Variants in SCFD2 observed in about 807,000 individuals in gnomAD.
The protein encoded by SCFD2 is sec1 family domain-containing protein 2.
Under a neutral mutation model 58.9 loss-of-function variants are expected in SCFD2, and 54 were observed. The ratio of observed to expected loss-of-function variants is 0.92; its 90% confidence interval spans 0.74 to 1.15. The LOEUF (loss-of-function observed/expected upper bound fraction) is 1.15, where lower values mean the gene tolerates loss of function less well. Ranked by LOEUF, SCFD2 falls within the 50% of genes most tolerant of loss-of-function variation. The pLI, the probability that SCFD2 is intolerant of heterozygous loss-of-function variation, is 0.00. For synonymous variants in SCFD2, 321 were observed against 335.9 expected, an observed-to-expected ratio of 0.96 and a Z score of 0.49; for missense variants, 805 against 836.6, an observed-to-expected ratio of 0.96 and a Z score of 0.47.
At chr4:52,994,967 G>A (rs1396155566) in intron 5 of SCFD2, among the ~76,000 whole-genome samples, 1 of 152,160 alleles carries the variant, frequency 6.6e-6, no homozygotes, top group African/African-American at 2.4e-5. Flanking sequence ...AGGAAAGAAA[G>A]CAAACTGATA....
rs145503345 is a variant in SCFD2 at position 53,003,306 on chromosome 4, T to C, written c.1562-82436A>G. ...CTCTGTCCTCATCAGACTTACGTTT[T>C]AGAGCTGTGCTGTTCAATACAGTAA... On this transcript the variant is annotated intron_variant, in intron 5 of 8. Coordinates refer to ENST00000401642, the MANE Select transcript of SCFD2 (RefSeq NM_152540.4). Among the ~76,000 whole-genome samples, 216 of 152,376 alleles carry C rather than the reference T, an allele frequency of 1.4e-3. 2 individuals carry two copies. Among genetic ancestry groups the C allele is most frequent in the African/African-American group, 4.9e-3 (202 of 41,588 alleles).
chr4:53,189,396 G>T (rs1212814476), intron 4 of SCFD2, among the ~76,000 whole-genome samples: 1 of 152,170 alleles, frequency 6.6e-6, no homozygotes, highest in Non-Finnish European at 1.5e-5. Flanking sequence ...TTAGATGGTT[G>T]TCCCTTCCCT....
At chr4:53,304,934 TG>T (rs992182313) in intron 3 of SCFD2, among the ~76,000 whole-genome samples, 3 of 152,114 alleles carry the variant, frequency 2.0e-5, no homozygotes, top group African/African-American at 7.2e-5. Flanking sequence ...TCAGGCTTTT[TG>T]TGCTGGTTTC....
chr4:53,141,263 G>A (rs1231078869), intron 5 of SCFD2, among the ~76,000 whole-genome samples: 1 of 152,180 alleles, frequency 6.6e-6, no homozygotes, highest in Non-Finnish European at 1.5e-5. Flanking sequence ...AGGTATAACA[G>A]TTAAGATGAG....
Position 52,982,185 on chromosome 4 carries a change from C to T in SCFD2, c.1562-61315G>A, listed in dbSNP as rs150531034. On this transcript the variant is annotated intron_variant, in intron 5 of 8. Coordinates refer to ENST00000401642, the MANE Select transcript of SCFD2 (RefSeq NM_152540.4). Reference sequence around the variant, plus strand: ...AGTGGAAGCCATACAATGGAGGCTGCACTGCATGGTGTCTGTCACAGCATA... The same window carrying T: ...AGTGGAAGCCATACAATGGAGGCTGTACTGCATGGTGTCTGTCACAGCATA... Among the ~76,000 whole-genome samples, 474 of 152,270 alleles carry T rather than the reference C, an allele frequency of 3.1e-3. 4 individuals carry two copies. The highest frequency in any genetic ancestry group is 0.011 in the African/African-American group (447 of 41,534).
At chr4:53,068,285 A>T (rs1937803655) in intron 5 of SCFD2, among the ~76,000 whole-genome samples, 1 of 152,070 alleles carries the variant, frequency 6.6e-6, no homozygotes, top group Non-Finnish European at 1.5e-5. Flanking sequence ...AATATACATA[A>T]ATTTAACTGT....
intron 5 of SCFD2, among the ~76,000 whole-genome samples, chr4:53,037,975 C>G (rs1383679202): frequency 6.6e-6 from 1 of 152,102 alleles, no homozygotes; most frequent in South Asian, 2.1e-4. Flanking sequence ...TGGAACATGA[C>G]ACTTCATTGC....
chr4:53,227,173 C>T (rs902815267), intron 4 of SCFD2, among the ~76,000 whole-genome samples: 3 of 152,142 alleles, frequency 2.0e-5, no homozygotes, highest in Non-Finnish European at 4.4e-5. Context: ...GAAAATCCTT[C>T]CTATCACCAC....
chr4:53,236,103 G>T (rs1729597558), intron 4 of SCFD2, among the ~76,000 whole-genome samples: 1 of 152,152 alleles, frequency 6.6e-6, no homozygotes, highest in South Asian at 2.1e-4. Context: ...TGAGTCAGTG[G>T]GTTGGGGAAG....
chr4:53,060,901 T>C (rs971541245), intron 5 of SCFD2, among the ~76,000 whole-genome samples: 3 of 152,298 alleles, frequency 2.0e-5, no homozygotes, highest in Non-Finnish European at 2.9e-5. Flanking sequence ...TAGATGATCA[T>C]AAAGTCTAGG....
chr4:53,035,806 C>A (rs1722743674), intron 5 of SCFD2, among the ~76,000 whole-genome samples: 1 of 152,098 alleles, frequency 6.6e-6, no homozygotes, highest in Admixed American at 6.5e-5. Flanking sequence ...GAATGGCGAT[C>A]ATTAAAAAGT....
At chr4:53,283,673 A>G (rs1731574036) in intron 3 of SCFD2, among the ~76,000 whole-genome samples, 1 of 151,908 alleles carries the variant, frequency 6.6e-6, no homozygotes, top group African/African-American at 2.4e-5. Flanking sequence ...GGTTCAAGTG[A>G]TTCTCATGGC....
At chr4:53,145,725 C>A in intron 4 of SCFD2, 143 bp from the exon 5 acceptor site, 1 of 793,048 alleles carries the variant, frequency 1.3e-6, no homozygotes. Context: ...TGTTTCTTGT[C>A]CTGGAGAGAA....
chr4:53,239,909 A>C (rs80061610), intron 4 of SCFD2, among the ~76,000 whole-genome samples: 2 of 152,198 alleles, frequency 1.3e-5, no homozygotes, highest in African/African-American at 4.8e-5. Flanking sequence ...TGTCAGCCTA[A>C]AAGGTCATTC....
intron 5 of SCFD2, among the ~76,000 whole-genome samples, chr4:53,029,400 A>G (rs1722560839): frequency 6.6e-6 from 1 of 152,242 alleles, no homozygotes; most frequent in South Asian, 2.1e-4. Context: ...TCAGAGGCCC[A>G]GAAAGCAAGA....
At chr4:53,185,907 T>C (rs1727723502) in intron 4 of SCFD2, among the ~76,000 whole-genome samples, 1 of 152,122 alleles carries the variant, frequency 6.6e-6, no homozygotes, top group Non-Finnish European at 1.5e-5. Context: ...TGGATAACTT[T>C]GTGAAAACAG....
chr4:53,014,825 A>T (rs146033233), intron 5 of SCFD2, among the ~76,000 whole-genome samples: 26 of 152,360 alleles, frequency 1.7e-4, no homozygotes, highest in African/African-American at 6.0e-4. Context: ...TTTGAAAAAA[A>T]CAGTGTCCTA....
chr4:53,289,968 C>T (rs1045111441), intron 3 of SCFD2, among the ~76,000 whole-genome samples: 1 of 152,056 alleles, frequency 6.6e-6, no homozygotes, highest in Non-Finnish European at 1.5e-5. Context: ...CATTGGAGCA[C>T]CTAAATGTAT....
chr4:53,016,236 T>C (rs1210383146), intron 5 of SCFD2, among the ~76,000 whole-genome samples: 1 of 152,236 alleles, frequency 6.6e-6, no homozygotes, highest in Non-Finnish European at 1.5e-5. Flanking sequence ...GCTCTGATAA[T>C]ATTCCCCTTG....
Sources: gnomAD v4.1 joint callset for allele counts (sites outside exome capture counted in the v4.1 genomes callset) on GRCh38, gnomAD v4.1.1 for gene constraint, MANE v1.5 for transcripts, NCBI Gene and HGNC (gene_info 2026-07-23, HGNC 2026-07-21) for gene names.